Variants in SRFBP1 observed in about 807,000 individuals in gnomAD.
The protein encoded by SRFBP1 is serum response factor-binding protein 1.
A neutral mutation model predicts 45.5 loss-of-function variants in SRFBP1; 47 were observed. The observed-to-expected ratio is 1.03, with a 90% CI of 0.82 to 1.32. The LOEUF (loss-of-function observed/expected upper bound fraction) is 1.32. Among genes scored for constraint, SRFBP1 ranks in the 40% most tolerant of loss-of-function variants. The pLI is 0.00. For synonymous variants in SRFBP1, 203 were observed against 166.3 expected, an observed-to-expected ratio of 1.22 and a Z score of -1.70; for missense variants, 621 against 484.6, an observed-to-expected ratio of 1.28 and a Z score of -2.64.
chr5:121,992,952 C>T (rs1173067335), intron 3 of SRFBP1, among the ~76,000 whole-genome samples: 1 of 152,062 alleles, frequency 6.6e-6, no homozygotes, highest in African/African-American at 2.4e-5. Flanking sequence ...TAAATTGCCC[C>T]TTGTCTCCGA....
At chr5:121,991,742 C>G (rs544712232) in intron 3 of SRFBP1, among the ~76,000 whole-genome samples, 30 of 152,276 alleles carry the variant, frequency 2.0e-4, no homozygotes, top group African/African-American at 7.2e-4. Context: ...AGTTATGGCA[C>G]AGCTTTCCTA....
At chr5:122,047,465 TGAA>T (rs1443516880) in intron 2 of SRFBP1, among the ~76,000 whole-genome samples, 1 of 152,228 alleles carries the variant, frequency 6.6e-6, no homozygotes, top group Non-Finnish European at 1.5e-5. Flanking sequence ...TAGTATAGTT[TGAA>T]GTCAGGTAGC....
intron 2 of SRFBP1, among the ~76,000 whole-genome samples, chr5:122,059,360 TA>T (rs1754135927): frequency 6.6e-6 from 1 of 152,100 alleles, no homozygotes; most frequent in African/African-American, 2.4e-5. Flanking sequence ...CTGTACCATG[TA>T]TGTGTTTTTT....
intron 2 of SRFBP1, among the ~76,000 whole-genome samples, chr5:122,056,942 C>T (rs569897949): frequency 6.6e-6 from 1 of 152,196 alleles, no homozygotes; most frequent in African/African-American, 2.4e-5. Flanking sequence ...GTGAAGAGGA[C>T]AATTGGGACC....
chr5:122,018,877 T>C (rs1353412558), intron 4 of SRFBP1, among the ~76,000 whole-genome samples: 1 of 152,194 alleles, frequency 6.6e-6, no homozygotes, highest in Non-Finnish European at 1.5e-5. Flanking sequence ...AGTTTAGCAC[T>C]AATATGTTAT....
chr5:121,963,850 A>T lies in SRFBP1; in HGVS notation c.36+1782A>T, dbSNP rs574936692. ...GATGATGGAGGATATTATAATTTAAAATTAGTGGGAAAAAAAACCCACAAA... is the reference window on the plus strand; with the variant it reads ...GATGATGGAGGATATTATAATTTAATATTAGTGGGAAAAAAAACCCACAAA... On this transcript the variant is annotated intron_variant, in intron 1 of 7. Coordinates refer to ENST00000339397, the MANE Select transcript of SRFBP1 (RefSeq NM_152546.3). 3.3e-5 allele frequency among the ~76,000 whole-genome samples: 5 copies of T among 152,256 alleles called. No individual in the cohort carries two copies. In the South Asian group the frequency reaches 1.0e-3, roughly 32 times the overall value.
Position 122,039,815 on chromosome 5 carries a change from T to C in SRFBP1, n.311+17408T>C, listed in dbSNP as rs142153962. Among the ~76,000 whole-genome samples, 322 of 152,184 alleles carry C rather than the reference T, an allele frequency of 2.1e-3. 2 individuals are homozygous for C. Among genetic ancestry groups the C allele is most frequent in the African/African-American group, 7.4e-3 (306 of 41,466 alleles). On this transcript the variant is annotated intron_variant and non_coding_transcript_variant, in intron 2 of 2. Transcript: ENST00000504881. ...GTAGTTAGGATTATCCTTACACATA[T>C]ATGATATATGGTTGGGATCTAACTA...
chr5:121,994,455 T>A, intron 3 of SRFBP1, 144 bp from the exon 4 acceptor site: 1 of 612,078 alleles, frequency 1.6e-6, no homozygotes, highest in South Asian at 2.0e-5. Context: ...TCCTTTCAAC[T>A]CTGTCATATT....
In SRFBP1 at chr5:122,071,303, A is replaced by G. The variant is rs527438907; in HGVS notation, n.312-4012A>G. Among the ~76,000 whole-genome samples, 4 of 152,226 alleles carry G rather than the reference A, an allele frequency of 2.6e-5. No homozygotes were observed. The East Asian group carries it at 7.7e-4, about 29-fold the overall frequency. On this transcript the variant is annotated intron_variant and non_coding_transcript_variant, in intron 2 of 2. Coordinates refer to the SRFBP1 transcript ENST00000504881. Reference sequence around the variant, plus strand: ...GAAAACTAAGGCACACTAAGATCAAATAACTTACCCAAGGGTATCCAGCCT... The same window carrying G: ...GAAAACTAAGGCACACTAAGATCAAGTAACTTACCCAAGGGTATCCAGCCT...
At chr5:121,982,566 G>A (rs753187568) in intron 3 of SRFBP1, among the ~76,000 whole-genome samples, 5 of 151,780 alleles carry the variant, frequency 3.3e-5, no homozygotes, top group Admixed American at 1.3e-4. Context: ...GAAAAATAAC[G>A]ATAGTATGTA....
intron 2 of SRFBP1, among the ~76,000 whole-genome samples, chr5:122,039,550 T>G (rs997097130): frequency 6.6e-6 from 1 of 152,188 alleles, no homozygotes; most frequent in African/African-American, 2.4e-5. Flanking sequence ...GATTACATGA[T>G]TTTCACCTTC....
At chr5:122,042,649 A>G (rs1753790394) in intron 2 of SRFBP1, among the ~76,000 whole-genome samples, 1 of 152,168 alleles carries the variant, frequency 6.6e-6, no homozygotes, top group Non-Finnish European at 1.5e-5. Flanking sequence ...TAGATTAGTT[A>G]GTTAACAATT....
In SRFBP1 at chr5:121,978,498, T is replaced by C. The variant is rs146762453; in HGVS notation, c.198+3111T>C. Among the ~76,000 whole-genome samples the C allele has an allele frequency of 1.8e-3, 277 of 152,282 alleles. 9 individuals carry two copies. The East Asian group carries it at 0.039, about 21-fold the overall frequency. ...ACAGTAGCCTATATCTGTATTTCTTTTTTTTTTACTTGAGATGGAGTCTCT... is the reference window on the plus strand; with the variant it reads ...ACAGTAGCCTATATCTGTATTTCTTCTTTTTTTACTTGAGATGGAGTCTCT... On this transcript the variant is annotated intron_variant, in intron 3 of 7. Transcript: ENST00000339397.
intron 1 of SRFBP1, among the ~76,000 whole-genome samples, chr5:121,967,021 C>T (rs902620233): frequency 2.0e-5 from 3 of 148,030 alleles, no homozygotes; most frequent in African/African-American, 7.4e-5. Context: ...TCTCGATCTC[C>T]TGACCTCGTG....
At chr5:122,069,848 C>T in intron 2 of SRFBP1, 1 of 565,086 alleles carries the variant, frequency 1.8e-6, no homozygotes, top group African/African-American at 1.9e-5. Flanking sequence ...CTAAGCTTCT[C>T]CTGAAAACTA....
chr5:121,975,493 G>GT, intron 3 of SRFBP1, 106 bp downstream of exon 3: 2 of 1,182,274 alleles, frequency 1.7e-6, no homozygotes, highest in Non-Finnish European at 2.5e-6. Flanking sequence ...CGAGAGTTGC[G>GT]TAAGACATCT....
intron 4 of SRFBP1, among the ~76,000 whole-genome samples, chr5:122,001,664 C>A (rs1485252455): frequency 6.6e-6 from 1 of 151,146 alleles, no homozygotes; most frequent in Non-Finnish European, 1.5e-5. Flanking sequence ...CGGGTTCACG[C>A]CATTCTCCTG....
downstream of SRFBP1, among the ~76,000 whole-genome samples, chr5:122,078,883 G>A (rs531686251): frequency 6.6e-6 from 1 of 152,240 alleles, no homozygotes; most frequent in South Asian, 2.1e-4. Context: ...ATTGTACAGG[G>A]AACAAAGCCA....
intron 2 of SRFBP1, among the ~76,000 whole-genome samples, chr5:122,059,725 C>G (rs896642964): frequency 6.6e-6 from 1 of 152,046 alleles, no homozygotes; most frequent in Non-Finnish European, 1.5e-5. Flanking sequence ...CTCTACCCAG[C>G]CTTTGGACTG....
Sources: allele counts gnomAD v4.1 joint callset (sites outside exome capture counted in the v4.1 genomes callset), GRCh38; gene constraint gnomAD v4.1.1; transcripts MANE v1.5; gene names NCBI Gene and HGNC (gene_info 2026-07-23, HGNC 2026-07-21).